Variants in POU6F2 observed in about 807,000 individuals in gnomAD.
POU6F2 encodes POU class 6 homeobox 2, also known as POU domain, class 6, transcription factor 2.
Under a neutral mutation model 71.3 loss-of-function variants are expected in POU6F2, and 31 were observed. The ratio of observed to expected loss-of-function variants is 0.43; its 90% CI spans 0.33 to 0.59. The LOEUF is 0.59. Ranked by LOEUF, POU6F2 falls within the 20% of genes least tolerant of loss-of-function variation. The pLI is 0.04. For missense variants in POU6F2, 783 were observed against 856.8 expected (o/e 0.91, Z 1.07); for synonymous variants, 347 against 355.7 (o/e 0.98, Z 0.27).
chr7:39,325,394 C>T (rs4723858), intron 4 of POU6F2, among the ~76,000 whole-genome samples: 48,822 of 151,902 alleles, frequency 0.32, 7,900 homozygotes, highest in Middle Eastern at 0.37. Flanking sequence ...TTTTGGCAAC[C>T]CTGAAATTGT....
chr7:39,073,125 G>A (rs1483727711), intron 1 of POU6F2, among the ~76,000 whole-genome samples: 1 of 152,002 alleles, frequency 6.6e-6, no homozygotes, highest in Non-Finnish European at 1.5e-5. Context: ...ATAAATATTT[G>A]TTGAATTGCA....
rs545867008 is a variant in POU6F2, at chr7:39,224,200, T to G, written c.598+16580T>G. Among the ~76,000 whole-genome samples, 4 of 152,302 alleles carry G rather than the reference T, an allele frequency of 2.6e-5. No individual in the cohort carries two copies. In the South Asian group the frequency reaches 8.3e-4, roughly 32 times the overall value. On this transcript the variant is annotated intron_variant, in intron 4 of 9. Coordinates refer to ENST00000518318, the MANE Select transcript of POU6F2 (RefSeq NM_001370959.1). ...GTCACTGGTGCTCATAAAATGATATTGCATACTTTTTCAGGAGATTAATGA... is the reference window on the plus strand; with the variant it reads ...GTCACTGGTGCTCATAAAATGATATGGCATACTTTTTCAGGAGATTAATGA...
At chr7:39,135,303 G>C (rs778562862) in intron 2 of POU6F2, among the ~76,000 whole-genome samples, 2 of 152,142 alleles carry the variant, frequency 1.3e-5, no homozygotes, top group Non-Finnish European at 2.9e-5. Flanking sequence ...TAGGCAGAGG[G>C]TCCAGCACTG....
At chr7:39,095,608 T>C (rs1400028719) in intron 2 of POU6F2, among the ~76,000 whole-genome samples, 1 of 152,178 alleles carries the variant, frequency 6.6e-6, no homozygotes, top group Non-Finnish European at 1.5e-5. Context: ...AGAATTCTTA[T>C]GGATTCTTAG....
intron 1 of POU6F2, among the ~76,000 whole-genome samples, chr7:39,019,242 CAG>C (rs748074237): frequency 2.0e-5 from 3 of 152,158 alleles, no homozygotes; most frequent in Non-Finnish European, 4.4e-5. Context: ...AATTCTCACT[CAG>C]AACTTTTGAA....
At chr7:39,201,192 C>T (rs1793895313) in intron 2 of POU6F2, among the ~76,000 whole-genome samples, 1 of 152,154 alleles carries the variant, frequency 6.6e-6, no homozygotes, top group African/African-American at 2.4e-5. Context: ...TTATCCCTGA[C>T]TTTTACAACG....
chr7:39,254,872 G>A (rs537132152), intron 4 of POU6F2, among the ~76,000 whole-genome samples: 41 of 152,322 alleles, frequency 2.7e-4, no homozygotes, highest in South Asian at 2.1e-3. Context: ...GTTTAGGGCC[G>A]CAGCAGCAGC....
At chr7:39,432,303 G>C (rs28473216) in intron 6 of POU6F2, among the ~76,000 whole-genome samples, 45,676 of 151,940 alleles carry the variant, frequency 0.3, 7,349 homozygotes, top group East Asian at 0.52. Context: ...CTCACCTTTA[G>C]GCCCTGGCTT....
At position 39,207,383 on chromosome 7, in the gene POU6F2, T is replaced by G; in HGVS notation, c.370-9T>G. ...GGAAAGTGAGCTAGCTGTATCTGTT[T>G]CCTTGCAGCCACTTCTGACGGCACA... On this transcript the variant is annotated splice_polypyrimidine_tract_variant and intron_variant, in intron 3 of 9. Coordinates refer to ENST00000518318, the MANE Select transcript of POU6F2 (RefSeq NM_001370959.1). The G allele has an allele frequency of 9.3e-6, 15 of 1,612,988 alleles. No homozygotes were observed. Among genetic ancestry groups the G allele is most frequent in the African/African-American group, 1.3e-5 (1 of 75,044 alleles).
intron 6 of POU6F2, among the ~76,000 whole-genome samples, chr7:39,420,234 T>C (rs1259364573): frequency 6.6e-6 from 1 of 152,252 alleles, no homozygotes; most frequent in Non-Finnish European, 1.5e-5. Context: ...TCAGTATTAC[T>C]GGGTTATAAA....
chr7:39,277,824 C>T (rs1460573079), intron 4 of POU6F2, among the ~76,000 whole-genome samples: 2 of 152,132 alleles, frequency 1.3e-5, no homozygotes, highest in Non-Finnish European at 2.9e-5. Flanking sequence ...TTTGGGAGGC[C>T]ATGGCGGGCG....
chr7:39,025,907 A>C (rs1182080675), intron 1 of POU6F2, among the ~76,000 whole-genome samples: 1 of 152,162 alleles, frequency 6.6e-6, no homozygotes, highest in Non-Finnish European at 1.5e-5. Context: ...TTACAAGAAA[A>C]AAACAAACAA....
chr7:39,066,515 T>C (rs929629769), intron 1 of POU6F2, among the ~76,000 whole-genome samples: 11 of 151,710 alleles, frequency 7.3e-5, no homozygotes, highest in Admixed American at 4.6e-4. Flanking sequence ...AATGACCACA[T>C]ATAACTTGAT....
intron 4 of POU6F2, among the ~76,000 whole-genome samples, chr7:39,249,895 A>G (rs1439719719): frequency 2.0e-5 from 3 of 152,218 alleles, no homozygotes; most frequent in Non-Finnish European, 4.4e-5. Flanking sequence ...CCATATAAGC[A>G]TAAATTTTGC....
intron 4 of POU6F2, among the ~76,000 whole-genome samples, chr7:39,265,310 A>G (rs1784218083): frequency 6.6e-6 from 1 of 152,166 alleles, no homozygotes; most frequent in Non-Finnish European, 1.5e-5. Flanking sequence ...AGCCTGCCTT[A>G]CCAGAGCTTC....
At chr7:39,102,753 G>A (rs1055543360) in intron 2 of POU6F2, among the ~76,000 whole-genome samples, 1 of 152,144 alleles carries the variant, frequency 6.6e-6, no homozygotes, top group Non-Finnish European at 1.5e-5. Flanking sequence ...TCATCATTGT[G>A]TGAATGTCAT....
intron 1 of POU6F2, 169 bp from the exon 2 acceptor site, chr7:39,085,691 C>A (rs80254191): frequency 0.04 from 26,497 of 658,238 alleles, 624 homozygotes; most frequent in Middle Eastern, 0.071. Flanking sequence ...CTTCACTTGA[C>A]TGCAGCCAGC....
At chr7:39,332,834 G>A (rs940362933) in intron 4 of POU6F2, among the ~76,000 whole-genome samples, 1 of 152,164 alleles carries the variant, frequency 6.6e-6, no homozygotes, top group Non-Finnish European at 1.5e-5. Flanking sequence ...TGGAAGGACT[G>A]GGAAAAGCAA....
At chr7:39,188,989 A>G (rs1254274046) in intron 2 of POU6F2, among the ~76,000 whole-genome samples, 1 of 152,256 alleles carries the variant, frequency 6.6e-6, no homozygotes, top group African/African-American at 2.4e-5. Flanking sequence ...AATTAGCATT[A>G]GATAGCATTA....
Sources: gnomAD v4.1 joint callset for allele counts (sites outside exome capture counted in the v4.1 genomes callset) on GRCh38, gnomAD v4.1.1 for gene constraint, MANE v1.5 for transcripts, NCBI Gene and HGNC (gene_info 2026-07-23, HGNC 2026-07-21) for gene names.